MAP6: variants seen among roughly 807,000 people sequenced by gnomAD.
MAP6 encodes the protein microtubule associated protein 6.
In MAP6, 26 loss-of-function variants were observed where a neutral mutation model predicts 42.4. That is an observed-to-expected ratio of 0.61 (90% CI 0.45 to 0.85). The LOEUF is 0.85. MAP6 is among the 40% of genes least tolerant of loss of function. The probability of loss-of-function intolerance (pLI) is 0.00; values close to 1 mark genes in which losing one functional copy is unlikely to be tolerated. For missense variants in MAP6, 966 were observed against 1,099.0 expected (o/e 0.88, Z 1.71); for synonymous variants, 418 against 443.8 (o/e 0.94, Z 0.73).
chr11:75,638,989 C>T (rs1314502276), intron 1 of MAP6, among the ~76,000 whole-genome samples: 2 of 152,154 alleles, frequency 1.3e-5, no homozygotes, highest in East Asian at 3.8e-4. Context: ...GAAATCATGT[C>T]TTTTGCAGTA....
intron 1 of MAP6, among the ~76,000 whole-genome samples, chr11:75,623,589 G>A (rs1943146785): frequency 6.6e-6 from 1 of 152,124 alleles, no homozygotes; most frequent in Non-Finnish European, 1.5e-5. Flanking sequence ...GCTCATCTGT[G>A]GGGCCTAGGA....
chr11:75,601,094 G>T (rs1942656414), intron 3 of MAP6, among the ~76,000 whole-genome samples: 1 of 152,216 alleles, frequency 6.6e-6, no homozygotes, highest in Non-Finnish European at 1.5e-5. Context: ...CCCTGGGGGA[G>T]CCCTGAGCAC....
intron 1 of MAP6, among the ~76,000 whole-genome samples, chr11:75,632,790 T>C (rs779070493): frequency 1.6e-4 from 25 of 152,182 alleles, no homozygotes; most frequent in African/African-American, 5.3e-4. Flanking sequence ...CAGTAATTCA[T>C]AGAACCCTAG....
At chr11:75,638,811 C>T (rs1943414412) in intron 1 of MAP6, among the ~76,000 whole-genome samples, 1 of 152,118 alleles carries the variant, frequency 6.6e-6, no homozygotes, top group Non-Finnish European at 1.5e-5. Flanking sequence ...TGGGTATCTA[C>T]CCCAAAAGAA....
chr11:75,648,291 C>A (rs1268223913), intron 1 of MAP6, among the ~76,000 whole-genome samples: 1 of 152,206 alleles, frequency 6.6e-6, no homozygotes, highest in African/African-American at 2.4e-5. Context: ...CCCAGGAGTT[C>A]AAGACCAGCC....
chr11:75,656,218 C>T (rs1453632074), intron 1 of MAP6, among the ~76,000 whole-genome samples: 1 of 152,134 alleles, frequency 6.6e-6, no homozygotes, highest in Non-Finnish European at 1.5e-5. Flanking sequence ...TGGACAGTGA[C>T]CACAAGGGGA....
At position 75,587,069 on chromosome 11, in the gene MAP6, C is replaced by T. The variant is rs1230869417; in HGVS notation, c.2432G>A (p.Ser811Asn). Residue 811 changes from serine (S) to asparagine (N), a missense_variant, in exon 4 of 4, where the codon AGC becomes AAC. Around this residue, in one of 2 missense-constraint regions of MAP6, gnomAD observed 943 missense variants for 1,049.9 expected, o/e 0.90. Coordinates refer to ENST00000304771, the MANE Select transcript of MAP6 (RefSeq NM_033063.2). ...PTAPHTEYIE[S>N]SP is the part of the protein sequence containing the mutation. ...GTCAAGGGGTGAGTGTCAAGGGGAG[C>T]TCTCAATGTATTCCGTATGGGGGGC... The T allele has an allele frequency of 1.9e-6, 3 of 1,585,368 alleles. No homozygotes were observed. The highest frequency in any genetic ancestry group is 2.6e-6 in the Non-Finnish European group (3 of 1,163,706).
intron 1 of MAP6, among the ~76,000 whole-genome samples, chr11:75,620,344 G>A (rs1943085787): frequency 6.6e-6 from 1 of 151,998 alleles, no homozygotes; most frequent in Admixed American, 6.6e-5. Context: ...TGTGGCTCAT[G>A]CCTGTAGTCA....
chr11:75,617,512 T>C (rs1590773741), intron 1 of MAP6, among the ~76,000 whole-genome samples: 1 of 44,718 alleles, frequency 2.2e-5, no homozygotes, highest in African/African-American at 1.3e-4. Flanking sequence ...CAAGACTGTC[T>C]CCAAAAAAAA....
At chr11:75,627,176 A>G (rs1272043743) in intron 1 of MAP6, among the ~76,000 whole-genome samples, 2 of 152,222 alleles carry the variant, frequency 1.3e-5, no homozygotes, top group African/African-American at 2.4e-5. Context: ...ATCATTCAAC[A>G]CAGACACTCC....
intron 3 of MAP6, chr11:75,604,912 C>T (rs1330293323): frequency 1.0e-6 from 1 of 985,334 alleles, no homozygotes; most frequent in African/African-American, 1.7e-5. Context: ...ATCTACGCCC[C>T]CTTGGGTCTC....
intron 3 of MAP6, among the ~76,000 whole-genome samples, chr11:75,591,051 G>A (rs570041615): frequency 7.2e-5 from 11 of 152,192 alleles, no homozygotes; most frequent in African/African-American, 1.9e-4. Context: ...ATAATTTAGC[G>A]TATTAGAATG....
chr11:75,625,127 G>C (rs1943174850), intron 1 of MAP6, among the ~76,000 whole-genome samples: 1 of 152,172 alleles, frequency 6.6e-6, no homozygotes, highest in African/African-American at 2.4e-5. Context: ...GGCAGGGAAG[G>C]AGAGGCACTG....
At chr11:75,615,297 C>T (rs996231258) in intron 1 of MAP6, among the ~76,000 whole-genome samples, 1 of 152,200 alleles carries the variant, frequency 6.6e-6, no homozygotes, top group African/African-American at 2.4e-5. Flanking sequence ...AAAGGATTTA[C>T]ATACGGCCTA....
In MAP6 at chr11:75,668,349, C is replaced by T. The variant is rs200554061; in HGVS notation, c.21G>A (p.Thr7=). 1 of 1,575,358 alleles carries T rather than the reference C, an allele frequency of 6.3e-7. No individual in the cohort carries two copies. The highest frequency in any genetic ancestry group is 1.1e-5 in the South Asian group (1 of 90,054). ...AGAAGCGGGCGATGCAGCAGGCCCT[C>T]GTGATGCACGGCCACGCCATGATGC... The part of the protein sequence containing the change: MAWPCI[T]RACCIARFWN... Residue 7 remains threonine, a synonymous_variant, in exon 1 of 4, where the codon ACG becomes ACA. Transcript: ENST00000304771.
intron 1 of MAP6, among the ~76,000 whole-genome samples, chr11:75,657,404 C>T (rs780266869): frequency 6.6e-6 from 1 of 152,178 alleles, no homozygotes; most frequent in Non-Finnish European, 1.5e-5. Context: ...AGCCACCATG[C>T]CCAGCCTTTG....
intron 3 of MAP6, chr11:75,603,778 G>C (rs1376142201): frequency 2.0e-6 from 2 of 984,702 alleles, no homozygotes; most frequent in African/African-American, 1.8e-5. Context: ...CTTCTAGCAA[G>C]GGAATGCTAA....
Position 75,667,813 on chromosome 11 carries a change from G to T in MAP6, c.557C>A (p.Ala186Glu). 21 of 1,318,834 alleles carry T rather than the reference G, an allele frequency of 1.6e-5. No individual in the cohort carries two copies. Among genetic ancestry groups the T allele is most frequent in the Non-Finnish European group, 2.0e-5 (21 of 1,033,764 alleles). The allele number at this position is 1,318,834 out of a possible 1,614,324, so 81.7% of individuals were successfully genotyped here. A position where few individuals can be genotyped will look rare whatever the true frequency, so the allele number is the denominator to read the frequency against. The change falls in exon 1 of 4, where the codon GCG (alanine) becomes GAG (glutamate). Residue 186 changes from alanine (A) to glutamate (E), a missense_variant. Ala to Glu is a moderately radical substitution (Grantham distance 107, BLOSUM62 -1). Coordinates refer to ENST00000304771, the MANE Select transcript of MAP6 (RefSeq NM_033063.2). The surrounding 1 kb of genome is among the most constrained non-coding windows in gnomAD (Gnocchi z 5.6). ...KPVQISAASQ[A>E]SAPILGAPKR... ...GGGCGCCCCGAGAATGGGCGCCGAC[G>T]CCTGGGAGGCCGCAGAGATCTGCAC...
Position 75,667,368 on chromosome 11 carries a change from TGCAC to T in MAP6, c.905+93_905+96del. 2 of 1,180,464 alleles carry T rather than the reference TGCAC, an allele frequency of 1.7e-6. No individual in the cohort carries two copies. Among genetic ancestry groups the T allele is most frequent in the East Asian group, 6.5e-5 (2 of 30,538 alleles). The allele number at this position is 1,180,464 out of a possible 1,614,324, so 73.1% of individuals were successfully genotyped here. On this transcript the variant is annotated intron_variant, in intron 1 of 3. Transcript: ENST00000304771. This position sits in a 1 kb window ranked among gnomAD's most constrained non-coding sequence, Gnocchi z 5.6. ...GTGTGGCCTGGGACTGGAGGGAGGC[TGCAC>T]GCTAGGCCTGCGCTGGGGATCCTGG... is the stretch of plus-strand genomic sequence containing the variant.
Sources: allele counts gnomAD v4.1 joint callset (sites outside exome capture counted in the v4.1 genomes callset), GRCh38; gene constraint gnomAD v4.1.1; regional missense constraint gnomAD v4.1.1; non-coding constraint Gnocchi (gnomAD v3.1); transcripts MANE v1.5; gene names NCBI Gene and HGNC (gene_info 2026-07-23, HGNC 2026-07-21).